Variants in TRDN observed in about 807,000 individuals in gnomAD.
TRDN encodes the protein triadin, also known as triadin in skeletal muscle.
TRDN carries 161 observed loss-of-function variants against 149.7 expected under a neutral mutation model. That is an observed-to-expected ratio of 1.08 (90% confidence interval 0.95 to 1.23). The LOEUF (loss-of-function observed/expected upper bound fraction) is 1.23, where lower values mean the gene tolerates loss of function less well. Ranked by LOEUF, TRDN falls within the 50% of genes most tolerant of loss-of-function variation. The pLI is 0.00. For missense variants in TRDN, 896 were observed against 823.5 expected, an observed-to-expected ratio of 1.09 and a Z score of -1.08; for synonymous variants, 294 against 250.5, an observed-to-expected ratio of 1.17 and a Z score of -1.64.
chr6:123,512,794 A>G (rs1191420838), intron 6 of TRDN, among the ~76,000 whole-genome samples: 1 of 152,188 alleles, frequency 6.6e-6, no homozygotes, highest in African/African-American at 2.4e-5. Context: ...TTCAAGAATA[A>G]CAATGGTAAT....
chr6:123,623,421 T>G (rs917432483), intron 1 of TRDN, among the ~76,000 whole-genome samples: 5 of 152,232 alleles, frequency 3.3e-5, no homozygotes, highest in South Asian at 2.1e-4. Context: ...TGTGGTGTAG[T>G]TTATCATCTC....
rs1396390867 is a variant in TRDN, at chr6:123,228,046, T to C, written c.1976-3915A>G. On this transcript the variant is annotated intron_variant, in intron 38 of 40. Transcript: ENST00000334268. Reference sequence around the variant, plus strand: ...TTCTAAACATAATCCAAATCTCCTATATCAGGGCCTCTTGAAAGAGTGTTG... The same window carrying C: ...TTCTAAACATAATCCAAATCTCCTACATCAGGGCCTCTTGAAAGAGTGTTG... 2.3e-5 allele frequency among the ~76,000 whole-genome samples: 3 copies of C among 131,074 alleles called. 1 individual carries two copies. The highest frequency in any genetic ancestry group is 5.4e-5 in the Non-Finnish European group (3 of 55,738). 86.0% of individuals were successfully genotyped at this position (131,074 alleles called of 152,430 possible).
At chr6:123,242,594 G>A (rs1408127825) in intron 38 of TRDN, among the ~76,000 whole-genome samples, 1 of 152,102 alleles carries the variant, frequency 6.6e-6, no homozygotes, top group South Asian at 2.1e-4. Flanking sequence ...AAAGTATCAA[G>A]TAGATAGTCA....
chr6:123,306,440 A>G (rs1778614503), intron 24 of TRDN, among the ~76,000 whole-genome samples: 1 of 152,114 alleles, frequency 6.6e-6, no homozygotes, highest in African/African-American at 2.4e-5. Flanking sequence ...GATAATCTAA[A>G]TTGGGTCATT....
chr6:123,396,295 A>G (rs1298502221), intron 12 of TRDN, among the ~76,000 whole-genome samples: 3 of 152,206 alleles, frequency 2.0e-5, no homozygotes, highest in Non-Finnish European at 1.5e-5. Context: ...AATAAAAAAG[A>G]CAGGATAATG....
intron 21 of TRDN, among the ~76,000 whole-genome samples, chr6:123,341,171 AT>A (rs1377520260): frequency 1.3e-5 from 2 of 151,916 alleles, no homozygotes; most frequent in Non-Finnish European, 2.9e-5. Flanking sequence ...CATGAAGGAA[AT>A]AATAATATAT....
At chr6:123,413,989 G>A (rs1470235738) in intron 12 of TRDN, among the ~76,000 whole-genome samples, 2 of 152,070 alleles carry the variant, frequency 1.3e-5, no homozygotes, top group African/African-American at 4.8e-5. Flanking sequence ...GTTTTCTCTT[G>A]CATTCAGCCC....
At chr6:123,584,462 G>C (rs2317713) in intron 1 of TRDN, among the ~76,000 whole-genome samples, 57,185 of 151,700 alleles carry the variant, frequency 0.38, 10,979 homozygotes, top group Middle Eastern at 0.4. Flanking sequence ...CCTGGCTCTT[G>C]TGTAAGAATT....
At position 123,478,407 on chromosome 6, in the gene TRDN, A is replaced by AT. The variant is rs1308643739; in HGVS notation, c.854-13425dup. Among the ~76,000 whole-genome samples the AT allele has an allele frequency of 2.0e-5, 3 of 152,292 alleles. No individual in the cohort carries two copies. In the East Asian group the frequency reaches 5.8e-4, roughly 29 times the overall value. The stretch of plus-strand genomic sequence containing the variant: ...TTCTAGATAGAGTACCAACTGGGAT[A>AT]TTTTTTAAACTTTCAGAATTACTAA... On this transcript the variant is annotated intron_variant, in intron 9 of 40. Transcript: ENST00000334268.
rs556424007 is a variant in TRDN, at chr6:123,439,875, G to A, written c.932-872C>T. 3.3e-5 allele frequency: 5 copies of A among 152,272 alleles called. No homozygotes were observed. The East Asian group carries it at 5.8e-4, about 18-fold the overall frequency. The allele number at this position is 152,272 out of a possible 1,614,324, so 9.4% of individuals were successfully genotyped here. On this transcript the variant is annotated intron_variant, in intron 10 of 40. Transcript: ENST00000334268. Reference sequence around the variant, plus strand: ...TTAGATTTGGGACAATAATAGCTACGGTTAATGTTGTAAATGTACTGATTT... The same window carrying A: ...TTAGATTTGGGACAATAATAGCTACAGTTAATGTTGTAAATGTACTGATTT...
chr6:123,403,752 A>C (rs921955057), intron 12 of TRDN, among the ~76,000 whole-genome samples: 1 of 152,168 alleles, frequency 6.6e-6, no homozygotes, highest in Non-Finnish European at 1.5e-5. Context: ...CAAATTTAAA[A>C]AACTCAACAT....
At chr6:123,365,158 T>C (rs979887946) in intron 20 of TRDN, among the ~76,000 whole-genome samples, 4 of 152,170 alleles carry the variant, frequency 2.6e-5, no homozygotes, top group Non-Finnish European at 4.4e-5. Flanking sequence ...AATAGAGCTG[T>C]ATTTGAAAGA....
At chr6:123,538,340 T>C (rs1780652827) in intron 4 of TRDN, among the ~76,000 whole-genome samples, 1 of 152,214 alleles carries the variant, frequency 6.6e-6, no homozygotes, top group African/African-American at 2.4e-5. Context: ...AATCTTGTTA[T>C]CTATTTAGTG....
chr6:123,470,856 G>A (rs747733961), intron 9 of TRDN: 1 of 152,196 alleles, frequency 6.6e-6, no homozygotes, highest in Non-Finnish European at 1.5e-5. Flanking sequence ...CATAGGAGTA[G>A]TGTAAACTCA....
chr6:123,437,332 C>A, intron 12 of TRDN: 1 of 310,276 alleles, frequency 3.2e-6, no homozygotes, highest in Non-Finnish European at 6.2e-6. Context: ...CTTCAGAAAA[C>A]TGGAAAACTT....
chr6:123,588,765 G>A (rs907665432), intron 1 of TRDN, among the ~76,000 whole-genome samples: 1 of 152,110 alleles, frequency 6.6e-6, no homozygotes, highest in African/African-American at 2.4e-5. Flanking sequence ...GTTTTATCGG[G>A]CAGGGCTGAA....
rs189389487 is a variant in TRDN, at chr6:123,559,792, C to T, written c.232+11131G>A. Among the ~76,000 whole-genome samples the T allele has an allele frequency of 1.2e-3, 187 of 152,320 alleles. 1 individual carries two copies. Among genetic ancestry groups the T allele is most frequent in the African/African-American group, 4.4e-3 (181 of 41,558 alleles). ...GCGCCTTATCAACCAAATTGTTTTG[C>T]CTATCCACCCTGTGGTTCCAAACCC... On this transcript the variant is annotated intron_variant, in intron 2 of 40. Transcript: ENST00000334268.
chr6:123,218,656 G>C lies in TRDN; in HGVS notation c.2135C>G (p.Pro712Arg), dbSNP rs761888858. The C allele has an allele frequency of 6.2e-7, 1 of 1,610,914 alleles. No homozygotes were observed. Among genetic ancestry groups the C allele is most frequent in the East Asian group, 2.2e-5 (1 of 44,778 alleles). The part of the protein sequence containing the change: ...FQFPFTPADR[P>R]GESSGQANSP... ...ATTTGCTTGACCAGAGCTCTCTCCAGGGCGGTCTGCAGGAGTGAAAGGAAA... is the reference window on the plus strand; with the variant it reads ...ATTTGCTTGACCAGAGCTCTCTCCACGGCGGTCTGCAGGAGTGAAAGGAAA... The change falls in exon 41 of 41, where the codon CCT becomes CGT. Residue 712 changes from proline to arginine, a missense_variant. Physicochemically the swap from Pro to Arg is moderately radical, Grantham distance 103 (BLOSUM62 -2). Coordinates refer to ENST00000334268, the MANE Select transcript of TRDN (RefSeq NM_006073.4).
chr6:123,238,954 C>T (rs894539800), intron 38 of TRDN, among the ~76,000 whole-genome samples: 2 of 152,160 alleles, frequency 1.3e-5, no homozygotes, highest in African/African-American at 2.4e-5. Flanking sequence ...GATTCTCCTG[C>T]CTCAGCCTCC....
Sources: gnomAD v4.1 joint callset for allele counts (sites outside exome capture counted in the v4.1 genomes callset) on GRCh38, gnomAD v4.1.1 for gene constraint, MANE v1.5 for transcripts, NCBI Gene and HGNC (gene_info 2026-07-23, HGNC 2026-07-21) for gene names.